Variants in DPP6 observed in about 807,000 individuals in gnomAD.
DPP6 encodes dipeptidyl peptidase like 6.
DPP6 carries 69 observed loss-of-function variants against 122.6 expected under a neutral mutation model. That is an observed-to-expected ratio of 0.56 (90% CI 0.46 to 0.69). DPP6 has a LOEUF of 0.69. DPP6 is among the 30% of genes least tolerant of loss of function. DPP6 has a pLI of 0.00. For missense variants in DPP6, 928 were observed against 1,116.9 expected (o/e 0.83, Z 2.41); for synonymous variants, 418 against 433.1 (o/e 0.97, Z 0.43).
At chr7:154,636,215 A>G (rs1315306442) in intron 5 of DPP6, among the ~76,000 whole-genome samples, 3 of 152,190 alleles carry the variant, frequency 2.0e-5, no homozygotes, top group Non-Finnish European at 4.4e-5. Flanking sequence ...ACCATATACC[A>G]TAACCATGGA....
At chr7:154,464,596 G>T (rs971576852) in intron 2 of DPP6, among the ~76,000 whole-genome samples, 1 of 152,188 alleles carries the variant, frequency 6.6e-6, no homozygotes, top group African/African-American at 2.4e-5. Flanking sequence ...GCCATAGAGA[G>T]AGGAAAAAAT....
chr7:153,927,437 GAC>G (rs1321745929), intron 1 of DPP6, among the ~76,000 whole-genome samples: 1 of 152,166 alleles, frequency 6.6e-6, no homozygotes, highest in Non-Finnish European at 1.5e-5. Flanking sequence ...TATTTTGGTG[GAC>G]ACCCTTTAAT....
intron 1 of DPP6, among the ~76,000 whole-genome samples, chr7:154,077,435 G>A (rs1316578430): frequency 1.3e-5 from 2 of 152,070 alleles, no homozygotes; most frequent in East Asian, 3.9e-4. Context: ...ATAGTTCTGT[G>A]GATTTATTCC....
chr7:154,753,285 AGGGT>A (rs1843489652), intron 8 of DPP6, among the ~76,000 whole-genome samples: 8 of 152,100 alleles, frequency 5.3e-5, no homozygotes, highest in African/African-American at 1.9e-4. Flanking sequence ...TGGGGTACAA[AGGGT>A]GCCCGGTGAC....
intron 1 of DPP6, among the ~76,000 whole-genome samples, chr7:154,221,612 A>G (rs1034927160): frequency 5.3e-5 from 8 of 152,162 alleles, no homozygotes; most frequent in Non-Finnish European, 1.2e-4. Flanking sequence ...CCTATAACTC[A>G]GTGGCTTAGT....
intron 1 of DPP6, among the ~76,000 whole-genome samples, chr7:154,405,642 G>A (rs539911505): frequency 6.6e-6 from 1 of 152,224 alleles, no homozygotes; most frequent in African/African-American, 2.4e-5. Context: ...ACAGGGCCAG[G>A]CAGTGTGAGG....
chr7:154,266,925 GTCAGGTTTTGATATAGTA>G lies in DPP6; in HGVS notation c.244-179285_244-179268del, dbSNP rs1486709970. On this transcript the variant is annotated intron_variant, in intron 1 of 25. Coordinates refer to ENST00000377770, the MANE Select transcript of DPP6 (RefSeq NM_130797.4). Reference sequence around the variant, plus strand: ...CAGAGTGCACATTACAACTAACCTTGTCAGGTTTTGATATAGTATCAAATAAAAATATTCGCAGTTATC... The same window carrying G: ...CAGAGTGCACATTACAACTAACCTTGTCAAATAAAAATATTCGCAGTTATC... 5.9e-5 allele frequency among the ~76,000 whole-genome samples: 9 copies of G among 152,264 alleles called. No homozygotes were observed. The East Asian group carries it at 1.7e-3, about 29-fold the overall frequency.
the DPP6 span, among the ~76,000 whole-genome samples, chr7:153,759,535 G>A: frequency 6.6e-6 from 1 of 152,064 alleles, no homozygotes; most frequent in East Asian, 1.9e-4. Flanking sequence ...GTTTCACCAT[G>A]TTGGCAAGGC....
At chr7:153,804,033 T>C in the DPP6 span, among the ~76,000 whole-genome samples, 1 of 147,784 alleles carries the variant, frequency 6.8e-6, no homozygotes, top group African/African-American at 2.5e-5. Context: ...CTATCTGAAA[T>C]TGCACTATAA....
At chr7:153,908,401 G>A (rs1799940684) in intron 1 of DPP6, among the ~76,000 whole-genome samples, 1 of 152,152 alleles carries the variant, frequency 6.6e-6, no homozygotes, top group African/African-American at 2.4e-5. Context: ...TGAAAACAGT[G>A]ACAGATTCAG....
intron 1 of DPP6, among the ~76,000 whole-genome samples, chr7:154,186,885 G>A (rs1317907676): frequency 6.6e-6 from 1 of 152,230 alleles, no homozygotes; most frequent in Non-Finnish European, 1.5e-5. Context: ...TTCAGAGGAA[G>A]GATTTAAAAG....
chr7:154,411,222 C>T (rs551498908), intron 1 of DPP6, among the ~76,000 whole-genome samples: 1 of 152,132 alleles, frequency 6.6e-6, no homozygotes, highest in Non-Finnish European at 1.5e-5. Context: ...TGCATTCATC[C>T]TCCTCTTCAA....
At chr7:154,737,546 G>T (rs946073301) in intron 8 of DPP6, among the ~76,000 whole-genome samples, 1 of 152,128 alleles carries the variant, frequency 6.6e-6, no homozygotes, top group African/African-American at 2.4e-5. Flanking sequence ...TAGAGATGTG[G>T]AATTTTTAGA....
chr7:154,811,404 A>C (rs767569182), intron 16 of DPP6, among the ~76,000 whole-genome samples: 8 of 152,196 alleles, frequency 5.3e-5, no homozygotes, highest in Non-Finnish European at 8.8e-5. Flanking sequence ...ATCAATTGCT[A>C]TGAAATCTTA....
rs548685704 is a variant in DPP6, at chr7:154,128,840, C to T, written c.243+75777C>T. ...GTTACTGCTGGGTCTTCTCCCTGACCCTGGGAGGTATAACTACAGAATCAT... is the reference window on the plus strand; with the variant it reads ...GTTACTGCTGGGTCTTCTCCCTGACTCTGGGAGGTATAACTACAGAATCAT... On this transcript the variant is annotated intron_variant, in intron 1 of 25. Coordinates refer to ENST00000377770, the MANE Select transcript of DPP6 (RefSeq NM_130797.4). 2.4e-4 allele frequency among the ~76,000 whole-genome samples: 36 copies of T among 149,294 alleles called. 1 individual carries two copies. In the South Asian group the frequency reaches 3.3e-3, roughly 14 times the overall value.
At chr7:154,864,711 T>G (rs1388278243) in intron 17 of DPP6, among the ~76,000 whole-genome samples, 2 of 152,220 alleles carry the variant, frequency 1.3e-5, no homozygotes, top group Non-Finnish European at 2.9e-5. Flanking sequence ...AAATCTAATA[T>G]TTAACTAAAT....
At chr7:154,688,873 T>A (rs1258758925) in intron 7 of DPP6, among the ~76,000 whole-genome samples, 2 of 152,146 alleles carry the variant, frequency 1.3e-5, no homozygotes, top group African/African-American at 2.4e-5. Flanking sequence ...CTCAATCCAA[T>A]CAAGTTGACA....
At chr7:154,723,467 T>C (rs2316240) in intron 7 of DPP6, among the ~76,000 whole-genome samples, 1 of 89,206 alleles carries the variant, frequency 1.1e-5, no homozygotes, top group Non-Finnish European at 2.9e-5. Flanking sequence ...ACATTTATTT[T>C]TAAAAAAAAA....
At chr7:153,874,426 A>G in the DPP6 span, among the ~76,000 whole-genome samples, 1 of 152,182 alleles carries the variant, frequency 6.6e-6, no homozygotes, top group Admixed American at 6.5e-5. Flanking sequence ...CCCAGGCTGG[A>G]GTGCAGTGGT....
Sources: allele counts gnomAD v4.1 joint callset (sites outside exome capture counted in the v4.1 genomes callset), GRCh38; gene constraint gnomAD v4.1.1; transcripts MANE v1.5; gene names NCBI Gene and HGNC (gene_info 2026-07-23, HGNC 2026-07-21).